Variants in LRRFIP1 observed in about 807,000 individuals in gnomAD.
LRRFIP1 encodes leucine-rich repeat flightless-interacting protein 1.
LRRFIP1 carries 62 observed loss-of-function variants against 104.4 expected under a neutral mutation model. The observed-to-expected ratio is 0.59, with a 90% CI of 0.48 to 0.73. The LOEUF is 0.73. Among genes scored for constraint, LRRFIP1 ranks in the 30% least tolerant of loss-of-function variants. The probability of loss-of-function intolerance (pLI) is 0.00; values close to 1 mark genes in which losing one functional copy is unlikely to be tolerated. For synonymous variants in LRRFIP1, 300 were observed against 299.0 expected, an observed-to-expected ratio of 1.00 and a Z score of -0.03; for missense variants, 796 against 824.5, an observed-to-expected ratio of 0.97 and a Z score of 0.42.
intron 19 of LRRFIP1, among the ~76,000 whole-genome samples, chr2:237,767,762 TG>T (rs1316494265): frequency 6.6e-6 from 1 of 152,184 alleles, no homozygotes; most frequent in Non-Finnish European, 1.5e-5. Flanking sequence ...ACTCCCTTTC[TG>T]GGAGACCACC....
At chr2:237,692,221 C>G in intron 1 of LRRFIP1, 3 of 1,092,612 alleles carry the variant, frequency 2.7e-6, no homozygotes, top group Non-Finnish European at 2.2e-6. Flanking sequence ...CCACCCCGAG[C>G]CCGACTCAGC....
At chr2:237,666,915 G>GCTTCCTTT (rs1183774832) in intron 1 of LRRFIP1, among the ~76,000 whole-genome samples, 3 of 144,810 alleles carry the variant, frequency 2.1e-5, no homozygotes, top group African/African-American at 7.8e-5. Flanking sequence ...CTGCCTTCCT[G>GCTTCCTTT]CTTTCTTTCT....
intron 1 of LRRFIP1, among the ~76,000 whole-genome samples, chr2:237,694,792 C>T (rs1426405408): frequency 6.6e-6 from 1 of 152,204 alleles, no homozygotes; most frequent in African/African-American, 2.4e-5. Flanking sequence ...CCGATGCGGA[C>T]AGTGGAGACA....
rs149868345 is a variant in LRRFIP1, at chr2:237,655,804, ACG to A, written c.96+28066_96+28067del. 8.0e-3 allele frequency among the ~76,000 whole-genome samples: 1,226 copies of A among 152,388 alleles called. 18 individuals carry two copies. Among genetic ancestry groups the A allele is most frequent in the African/African-American group, 0.028 (1,180 of 41,588 alleles). The stretch of plus-strand genomic sequence containing the variant: ...ACATGAACAAAAAGGGCAAAGCCCA[ACG>A]CTGTTAACCCTCAATGGAGATAATT... On this transcript the variant is annotated intron_variant, in intron 1 of 23. Transcript: ENST00000308482.
chr2:237,746,522 G>A (rs542289024), intron 11 of LRRFIP1, among the ~76,000 whole-genome samples: 1 of 152,162 alleles, frequency 6.6e-6, no homozygotes, highest in Non-Finnish European at 1.5e-5. Flanking sequence ...GTCTGCCTTC[G>A]TATCTGTCCC....
intron 19 of LRRFIP1, chr2:237,764,480 T>A: frequency 3.5e-6 from 4 of 1,153,168 alleles, no homozygotes; most frequent in Non-Finnish European, 4.3e-6. Context: ...TGGGTTTTCT[T>A]GACCAAATAT....
chr2:237,752,919 C>T (rs1486699488), intron 14 of LRRFIP1, among the ~76,000 whole-genome samples: 2 of 152,196 alleles, frequency 1.3e-5, no homozygotes, highest in African/African-American at 2.4e-5. Flanking sequence ...GGGCTGGTCA[C>T]ACGCCTCGAG....
In LRRFIP1 at chr2:237,687,565, C is replaced by G. The variant is rs372516589; in HGVS notation, c.97-20979C>G. On this transcript the variant is annotated intron_variant, in intron 1 of 23. Transcript: ENST00000308482. ...GCTGCAGTAAGCCAAGATCATGCCACTGCACTCCAGCATGGGTAACAGAGC... is the reference window on the plus strand; with the variant it reads ...GCTGCAGTAAGCCAAGATCATGCCAGTGCACTCCAGCATGGGTAACAGAGC... 1.1e-4 allele frequency among the ~76,000 whole-genome samples: 15 copies of G among 134,598 alleles called. No individual in the cohort carries two copies. The East Asian group carries it at 3.2e-3, about 28-fold the overall frequency. 88.3% of individuals were successfully genotyped at this position (134,598 alleles called of 152,430 possible).
chr2:237,671,951 T>C (rs1056953131), intron 1 of LRRFIP1, among the ~76,000 whole-genome samples: 1 of 151,266 alleles, frequency 6.6e-6, no homozygotes. Flanking sequence ...CTTTTCTTAA[T>C]GCTTTTTCAC....
At chr2:237,636,798 G>C (rs1177877215) in intron 1 of LRRFIP1, among the ~76,000 whole-genome samples, 1 of 152,198 alleles carries the variant, frequency 6.6e-6, no homozygotes, top group East Asian at 1.9e-4. Context: ...GTTGGTACCA[G>C]ACAGTGGTTC....
At chr2:237,670,991 T>C (rs2090258366) in intron 1 of LRRFIP1, among the ~76,000 whole-genome samples, 1 of 152,216 alleles carries the variant, frequency 6.6e-6, no homozygotes, top group Non-Finnish European at 1.5e-5. Context: ...CTAACAGCTG[T>C]GTGGGGCAGC....
chr2:237,676,989 AC>A (rs2091245830), intron 1 of LRRFIP1, among the ~76,000 whole-genome samples: 1 of 152,242 alleles, frequency 6.6e-6, no homozygotes, highest in Non-Finnish European at 1.5e-5. Context: ...GATTACATAA[AC>A]AAAAGGGTAA....
Position 237,671,862 on chromosome 2 carries a change from G to A in LRRFIP1, c.97-36682G>A, listed in dbSNP as rs571722981. 3.4e-5 allele frequency among the ~76,000 whole-genome samples: 5 copies of A among 149,074 alleles called. No homozygotes were observed. In the South Asian group the frequency reaches 8.7e-4, roughly 26 times the overall value. ...TGCCTGCATGCATGTGTGTGTCTGT[G>A]TATTCCTTTTGAAACATACTAGATG... On this transcript the variant is annotated intron_variant, in intron 1 of 23. Coordinates refer to ENST00000308482, the MANE Select transcript of LRRFIP1 (RefSeq NM_001137550.2).
chr2:237,753,365 G>A lies in LRRFIP1; in HGVS notation c.924G>A (p.Gln308=). 3 of 1,607,648 alleles carry A rather than the reference G, an allele frequency of 1.9e-6. No individual in the cohort carries two copies. Among genetic ancestry groups the A allele is most frequent in the Non-Finnish European group, 2.5e-6 (3 of 1,178,628 alleles). ...KYKKAMVSNA[Q]LDNEKTNFMY... is the part of the protein sequence containing the mutation. ...AGAAGGCTATGGTTTCCAATGCTCA[G>A]CTAGACAATGAAAAGACAAACTTCA... The change falls in exon 15 of 24, where the codon CAG becomes CAA. Residue 308 remains glutamine (Q), a synonymous_variant. Coordinates refer to ENST00000308482, the MANE Select transcript of LRRFIP1 (RefSeq NM_001137550.2).
rs115446746 is a variant in LRRFIP1 at position 237,646,453 on chromosome 2, G to A, written c.96+18713G>A. 1.6e-3 allele frequency among the ~76,000 whole-genome samples: 242 copies of A among 151,672 alleles called. 1 individual carries two copies. The highest frequency in any genetic ancestry group is 4.1e-3 in the African/African-American group (170 of 41,420). On this transcript the variant is annotated intron_variant, in intron 1 of 23. Coordinates refer to ENST00000308482, the MANE Select transcript of LRRFIP1 (RefSeq NM_001137550.2). Reference sequence around the variant, plus strand: ...AGCCCCACTGTGTGTGAGAACATGCGGTGTTTGGTTTTCCTATTCTGCGTT... The same window carrying A: ...AGCCCCACTGTGTGTGAGAACATGCAGTGTTTGGTTTTCCTATTCTGCGTT...
At chr2:237,632,006 G>A (rs901795102) in intron 1 of LRRFIP1, among the ~76,000 whole-genome samples, 9 of 152,200 alleles carry the variant, frequency 5.9e-5, no homozygotes, top group Non-Finnish European at 1.0e-4. Flanking sequence ...TGCCCCACCC[G>A]GCTGCTTCAC....
rs185853779 is a variant in LRRFIP1, at chr2:237,711,800, A to G, written c.184-2459A>G. On this transcript the variant is annotated intron_variant, in intron 2 of 23. Coordinates refer to ENST00000308482, the MANE Select transcript of LRRFIP1 (RefSeq NM_001137550.2). The surrounding 1 kb of genome is among the most constrained non-coding windows in gnomAD (Gnocchi z 4.4). The stretch of plus-strand genomic sequence containing the variant: ...GAAGCAGCTCTACCGGGGGGTGGGG[A>G]AGCCACTCCTTGTGGCAGCAGAGGA... Among the ~76,000 whole-genome samples, 905 of 152,248 alleles carry G rather than the reference A, an allele frequency of 5.9e-3. 16 individuals carry two copies. Among genetic ancestry groups the G allele is most frequent in the African/African-American group, 0.021 (855 of 41,548 alleles).
At chr2:237,627,764 G>T (rs1436075519) in intron 1 of LRRFIP1, 24 bp downstream of exon 1, 1 of 1,204,720 alleles carries the variant, frequency 8.3e-7, no homozygotes, top group Non-Finnish European at 1.0e-6. Context: ...GAGGGCAGCC[G>T]GGGGGCGCCG....
At chr2:237,665,429 G>T (rs895120654) in intron 1 of LRRFIP1, among the ~76,000 whole-genome samples, 2 of 152,280 alleles carry the variant, frequency 1.3e-5, no homozygotes, top group East Asian at 3.9e-4. Flanking sequence ...GAAAGTCAGG[G>T]TTGGAATCCA....
Sources: gnomAD v4.1 joint callset for allele counts (sites outside exome capture counted in the v4.1 genomes callset) on GRCh38, gnomAD v4.1.1 for gene constraint, Gnocchi (gnomAD v3.1) non-coding constraint, MANE v1.5 for transcripts, NCBI Gene and HGNC (gene_info 2026-07-23, HGNC 2026-07-21) for gene names.